Variants in CHODL observed in about 807,000 individuals in gnomAD.
The protein encoded by CHODL is transmembrane protein MT75.
CHODL carries 29 observed loss-of-function variants against 34.5 expected under a neutral mutation model. The ratio of observed to expected loss-of-function variants is 0.84; its 90% CI spans 0.63 to 1.15. CHODL has a LOEUF of 1.15. Ranked by LOEUF, CHODL falls within the 50% of genes most tolerant of loss-of-function variation. The probability of loss-of-function intolerance (pLI) is 0.00; values close to 1 mark genes in which losing one functional copy is unlikely to be tolerated. For synonymous variants in CHODL, 125 were observed against 116.1 expected, an observed-to-expected ratio of 1.08 and a Z score of -0.49; for missense variants, 332 against 332.5, an observed-to-expected ratio of 1.00 and a Z score of 0.01.
intron 1 of CHODL, 41 bp downstream of exon 1, chr21:18,245,343 G>A: frequency 6.9e-7 from 1 of 1,446,194 alleles, no homozygotes; most frequent in Non-Finnish European, 9.1e-7. Flanking sequence ...AGCGGGGAGA[G>A]GGGACCACGG....
chr21:18,211,125 G>A (rs2073769278), intron 2 of CHODL, among the ~76,000 whole-genome samples: 1 of 131,938 alleles, frequency 7.6e-6, no homozygotes, highest in African/African-American at 3.0e-5. Flanking sequence ...TTATTCCCTT[G>A]CATCCTACAC....
Position 18,215,949 on chromosome 21 carries a change from G to A in CHODL, c.-44-40560G>A, listed in dbSNP as rs146761956. Reference sequence around the variant, plus strand: ...ACTCCATTTAAGCAATTAACAAAGAGGTTTTTAATATTGTTTAGCTTTGGA... The same window carrying A: ...ACTCCATTTAAGCAATTAACAAAGAAGTTTTTAATATTGTTTAGCTTTGGA... On this transcript the variant is annotated intron_variant, in intron 2 of 6. Coordinates refer to the CHODL transcript ENST00000400127. 3.9e-3 allele frequency among the ~76,000 whole-genome samples: 596 copies of A among 152,158 alleles called. 2 individuals are homozygous for A. Among genetic ancestry groups the A allele is most frequent in the African/African-American group, 0.014 (569 of 41,530 alleles).
chr21:17,995,352 G>C (rs2063839173), intron 1 of CHODL, among the ~76,000 whole-genome samples: 1 of 152,176 alleles, frequency 6.6e-6, no homozygotes, highest in Non-Finnish European at 1.5e-5. Flanking sequence ...TCTGCCATGG[G>C]AATGTAGACT....
intron 2 of CHODL, among the ~76,000 whole-genome samples, chr21:18,121,921 G>A (rs1003069209): frequency 6.6e-6 from 1 of 152,058 alleles, no homozygotes; most frequent in Non-Finnish European, 1.5e-5. Context: ...CCCATTTTTC[G>A]AAGTGTAAAT....
chr21:18,109,860 G>T (rs1485878203), intron 2 of CHODL, among the ~76,000 whole-genome samples: 1 of 152,104 alleles, frequency 6.6e-6, no homozygotes, highest in Non-Finnish European at 1.5e-5. Flanking sequence ...AGCATAAAAA[G>T]GTTAGAGGAA....
At chr21:18,128,074 G>T (rs1263540807) in intron 2 of CHODL, among the ~76,000 whole-genome samples, 1 of 151,728 alleles carries the variant, frequency 6.6e-6, no homozygotes, top group Non-Finnish European at 1.5e-5. Context: ...GCGGAGGTGG[G>T]CGGATCACGA....
At chr21:18,248,009 CTTT>C (rs3077959) in intron 1 of CHODL, among the ~76,000 whole-genome samples, 1 of 144,200 alleles carries the variant, frequency 6.9e-6, no homozygotes, top group Admixed American at 7.0e-5. Context: ...TAATGTGTTT[CTTT>C]TTTTTTTTTC....
intron 2 of CHODL, among the ~76,000 whole-genome samples, chr21:18,171,149 C>T (rs1390921325): frequency 1.3e-5 from 1 of 76,338 alleles, no homozygotes; most frequent in East Asian, 3.6e-4. Flanking sequence ...TTTTATGAGA[C>T]ATTGTTCTCA....
intron 2 of CHODL, among the ~76,000 whole-genome samples, chr21:18,051,362 T>C (rs1600939908): frequency 6.6e-6 from 1 of 151,878 alleles, no homozygotes; most frequent in South Asian, 2.1e-4. Context: ...CAAGTCTTGC[T>C]TTTAAATTAA....
chr21:17,945,938 G>A (rs1322359163), intron 1 of CHODL, among the ~76,000 whole-genome samples: 1 of 152,032 alleles, frequency 6.6e-6, no homozygotes. Flanking sequence ...GGAGAGAGTA[G>A]AATGATATAT....
chr21:18,214,314 AC>A (rs1423994511), intron 2 of CHODL, among the ~76,000 whole-genome samples: 1 of 152,020 alleles, frequency 6.6e-6, no homozygotes, highest in African/African-American at 2.4e-5. Flanking sequence ...CTTTCTCGTT[AC>A]TTTAAGTAGT....
chr21:17,964,152 A>C (rs1050609783), intron 1 of CHODL, among the ~76,000 whole-genome samples: 2 of 152,258 alleles, frequency 1.3e-5, no homozygotes, highest in Non-Finnish European at 1.5e-5. Context: ...GCTACCTTTG[A>C]AGCCGAAATG....
chr21:18,099,549 T>TA (rs2065185339), intron 2 of CHODL, among the ~76,000 whole-genome samples: 1 of 151,880 alleles, frequency 6.6e-6, no homozygotes. Flanking sequence ...AAAATAAAGA[T>TA]AAAAAGATAG....
rs1275087604 is a variant in CHODL at position 18,248,687 on chromosome 21, T to TACA, written c.79+3385_79+3386insACA. Among the ~76,000 whole-genome samples, 727 of 120,356 alleles carry TACA rather than the reference T, an allele frequency of 6.0e-3. 11 individuals are homozygous for TACA. The highest frequency in any genetic ancestry group is 0.023 in the African/African-American group (650 of 27,846). The allele number at this position is 120,356 out of a possible 152,430, so 79.0% of individuals were successfully genotyped here. ...TATGTATAATACATATATGTATATATTATATACATATATATGTATATAATA... is the reference window on the plus strand; with the variant it reads ...TATGTATAATACATATATGTATATATACATATATACATATATATGTATATAATA... On this transcript the variant is annotated intron_variant, in intron 1 of 5. Transcript: ENST00000299295.
At chr21:18,255,814 G>A (rs1191348754) in intron 1 of CHODL, among the ~76,000 whole-genome samples, 1 of 151,938 alleles carries the variant, frequency 6.6e-6, no homozygotes, top group Non-Finnish European at 1.5e-5. Context: ...ATTGGCCTAG[G>A]AATTGGAGTT....
chr21:18,062,658 C>T (rs1255059528), intron 2 of CHODL, among the ~76,000 whole-genome samples: 8 of 152,070 alleles, frequency 5.3e-5, no homozygotes, highest in South Asian at 2.1e-4. Flanking sequence ...CCCAGCTACT[C>T]GGGAGGCTGA....
intron 2 of CHODL, among the ~76,000 whole-genome samples, chr21:18,079,737 G>GCCCT (rs2064914494): frequency 9.5e-6 from 1 of 105,376 alleles, no homozygotes; most frequent in Non-Finnish European, 2.5e-5. Flanking sequence ...GTATCTTTCT[G>GCCCT]ATGTAATAAT....
At chr21:18,219,821 A>T (rs2073865676) in intron 2 of CHODL, among the ~76,000 whole-genome samples, 1 of 151,488 alleles carries the variant, frequency 6.6e-6, no homozygotes, top group Admixed American at 6.6e-5. Flanking sequence ...CTTATATATT[A>T]AAATTATTAG....
intron 2 of CHODL, among the ~76,000 whole-genome samples, chr21:18,172,371 C>T (rs2073242508): frequency 6.6e-6 from 1 of 152,146 alleles, no homozygotes; most frequent in Non-Finnish European, 1.5e-5. Flanking sequence ...TGATATTTCT[C>T]TGGGAATAAG....
Sources: gnomAD v4.1 joint callset for allele counts (sites outside exome capture counted in the v4.1 genomes callset) on GRCh38, gnomAD v4.1.1 for gene constraint, MANE v1.5 for transcripts, NCBI Gene and HGNC (gene_info 2026-07-23, HGNC 2026-07-21) for gene names.